Variants in PYY observed in about 807,000 individuals in gnomAD.
The protein encoded by PYY is peptide tyrosine tyrosine.
PYY carries 12 observed loss-of-function variants against 10.3 expected under a neutral mutation model. The observed-to-expected ratio is 1.17, with a 90% CI of 0.75 to 1.89. PYY has a LOEUF of 1.89. Among genes scored for constraint, PYY ranks in the 40% most tolerant of loss-of-function variants. The pLI, the probability that PYY is intolerant of heterozygous loss-of-function variation, is 0.00. For synonymous variants in PYY, 66 were observed against 62.0 expected, an observed-to-expected ratio of 1.06 and a Z score of -0.30; for missense variants, 141 against 134.0, an observed-to-expected ratio of 1.05 and a Z score of -0.26.
At chr17:43,955,351 C>T (rs1449755755), upstream of PYY, among the ~76,000 whole-genome samples, 1 of 152,222 alleles carries the variant, frequency 6.6e-6, no homozygotes, top group Admixed American at 6.5e-5. Context: ...GAGCCAGCCC[C>T]TCCAGCCCCA....
At chr17:43,985,084 C>A (rs941265228) in intron 1 of PYY, among the ~76,000 whole-genome samples, 2 of 152,090 alleles carry the variant, frequency 1.3e-5, no homozygotes, top group African/African-American at 4.8e-5. Context: ...AAAGGCAACT[C>A]TCAAAATTAA....
At chr17:43,965,945 T>G (rs2048753603) in intron 2 of PYY, among the ~76,000 whole-genome samples, 1 of 151,870 alleles carries the variant, frequency 6.6e-6, no homozygotes, top group Non-Finnish European at 1.5e-5. Flanking sequence ...GATGCTTGGC[T>G]CTCTTTTCTT....
intron 1 of PYY, among the ~76,000 whole-genome samples, chr17:43,979,787 T>C (rs551822358): frequency 6.8e-6 from 1 of 146,574 alleles, no homozygotes; most frequent in East Asian, 2.0e-4. Flanking sequence ...GGCCCAGGAA[T>C]AGAAGAGGGG....
At chr17:43,973,532 G>C (rs1417255679) in intron 1 of PYY, among the ~76,000 whole-genome samples, 3 of 152,168 alleles carry the variant, frequency 2.0e-5, no homozygotes, top group Admixed American at 6.5e-5. Flanking sequence ...GGTTGCTCAC[G>C]TCTGTAATCC....
At position 43,965,821 on chromosome 17, in the gene PYY, AGAG is replaced by A. The variant is rs1367057760; in HGVS notation, c.-218+464_-218+466del. ...AAAAAAAAAAAAAAAAAAAAAAGAG[AGAG>A]AAACAAGTAAAATTATATTTTTTTC... On this transcript the variant is annotated intron_variant, in intron 2 of 6. Transcript: ENST00000360085. 3.6e-4 allele frequency among the ~76,000 whole-genome samples: 44 copies of A among 122,244 alleles called. 2 individuals are homozygous for A. Among genetic ancestry groups the A allele is most frequent in the Middle Eastern group, 4.5e-3 (1 of 220 alleles). 80.2% of individuals were successfully genotyped at this position (122,244 alleles called of 152,430 possible).
chr17:43,986,298 C>T (rs1259002706), intron 1 of PYY, among the ~76,000 whole-genome samples: 1 of 152,084 alleles, frequency 6.6e-6, no homozygotes. Flanking sequence ...AGAGGGTGAG[C>T]GTCTAGGTCT....
intron 2 of PYY, among the ~76,000 whole-genome samples, chr17:43,965,480 CA>C (rs111474346): frequency 5.1e-3 from 452 of 89,368 alleles, no homozygotes; most frequent in Middle Eastern, 0.019. Context: ...GACTCCGTAT[CA>C]AAAAAAAAAA....
chr17:43,976,246 C>CGT (rs1372966814), intron 1 of PYY, among the ~76,000 whole-genome samples: 5 of 109,732 alleles, frequency 4.6e-5, no homozygotes, highest in Non-Finnish European at 8.2e-5. Context: ...CGTATATATA[C>CGT]ACATATGTAT....
At chr17:43,963,270 G>A (rs1461095682) in intron 2 of PYY, among the ~76,000 whole-genome samples, 2 of 152,106 alleles carry the variant, frequency 1.3e-5, no homozygotes, top group Admixed American at 6.6e-5. Context: ...CACTTTGGGA[G>A]GCTGAGGCAG....
intron 1 of PYY, among the ~76,000 whole-genome samples, chr17:43,978,738 G>A (rs919631898): frequency 6.6e-6 from 1 of 152,158 alleles, no homozygotes; most frequent in Non-Finnish European, 1.5e-5. Flanking sequence ...TTTTTAAAAT[G>A]TAATCTTTGC....
chr17:43,977,365 C>A (rs961230724), intron 1 of PYY, among the ~76,000 whole-genome samples: 10 of 152,124 alleles, frequency 6.6e-5, no homozygotes, highest in Non-Finnish European at 1.5e-4. Context: ...CCACTCCCAC[C>A]TTTCCGCCAC....
At chr17:43,957,843 A>G (rs898502846), upstream of PYY, 6 of 154,526 alleles carry the variant, frequency 3.9e-5, no homozygotes, top group African/African-American at 1.2e-4. Flanking sequence ...CTACCTTGAG[A>G]AGAGCAGGGG....
chr17:43,986,765 T>A (rs1258015594), intron 1 of PYY, among the ~76,000 whole-genome samples: 10 of 152,218 alleles, frequency 6.6e-5, no homozygotes, highest in Admixed American at 6.5e-4. Context: ...GCAGCCTGCG[T>A]GTTCCTGCCC....
At chr17:43,984,031 A>G (rs774771425) in intron 1 of PYY, among the ~76,000 whole-genome samples, 5 of 152,128 alleles carry the variant, frequency 3.3e-5, no homozygotes, top group Admixed American at 6.5e-5. Flanking sequence ...GCGCCGCCCC[A>G]TTTGCACGCC....
Position 43,952,913 on chromosome 17 carries a change from C to T in PYY, c.*43G>A. 2.0e-6 allele frequency: 3 copies of T among 1,526,176 alleles called. No homozygotes were observed. Among genetic ancestry groups the T allele is most frequent in the Non-Finnish European group, 2.6e-6 (3 of 1,139,526 alleles). The allele number at this position is 1,526,176 out of a possible 1,614,324, so 94.5% of individuals were successfully genotyped here. A position where few individuals can be genotyped will look rare whatever the true frequency, so the allele number is the denominator to read the frequency against. On this transcript the variant is annotated 3_prime_UTR_variant, in exon 4 of 4. Transcript: ENST00000692052. ...GGGTCGGGAGTGCGTATGCAAATGA[C>T]GTGGGCGTGGTTGGCAGATCTCCCA... is the stretch of plus-strand genomic sequence containing the variant.
chr17:44,004,284 C>T (rs1374952521), intron 1 of PYY: 1 of 166,510 alleles, frequency 6.0e-6, no homozygotes, highest in Non-Finnish European at 1.3e-5. Context: ...TCCTTCCAGC[C>T]CCCTGCCCAG....
intron 1 of PYY, among the ~76,000 whole-genome samples, chr17:43,991,610 A>G (rs1395887756): frequency 1.3e-5 from 2 of 152,146 alleles, no homozygotes; most frequent in African/African-American, 2.4e-5. Context: ...TTCCTGAACC[A>G]GTAATGTCAT....
chr17:43,979,913 A>C (rs1597853265), intron 1 of PYY, among the ~76,000 whole-genome samples: 1 of 152,210 alleles, frequency 6.6e-6, no homozygotes, highest in East Asian at 1.9e-4. Context: ...TTTTTATTGA[A>C]GACTAGCACA....
rs1358495416 is a variant in PYY, at chr17:43,987,091, T to G, written c.-463+17300A>C. ...GATGCTAACACATTCCTCGGGCCCCTGTGTCCACCCCTCCTCTGGTGGTCA... is the reference window on the plus strand; with the variant it reads ...GATGCTAACACATTCCTCGGGCCCCGGTGTCCACCCCTCCTCTGGTGGTCA... On this transcript the variant is annotated intron_variant, in intron 1 of 6. Coordinates refer to the PYY transcript ENST00000360085. This position sits in a 1 kb window ranked among gnomAD's most constrained non-coding sequence, Gnocchi z 4.0. Among the ~76,000 whole-genome samples the G allele has an allele frequency of 6.6e-6, 1 of 152,096 alleles. No individual in the cohort carries two copies. Among genetic ancestry groups the G allele is most frequent in the Non-Finnish European group, 1.5e-5 (1 of 68,010 alleles).
Sources: allele counts gnomAD v4.1 joint callset (sites outside exome capture counted in the v4.1 genomes callset), GRCh38; gene constraint gnomAD v4.1.1; non-coding constraint Gnocchi (gnomAD v3.1); transcripts MANE v1.5; gene names NCBI Gene and HGNC (gene_info 2026-07-23, HGNC 2026-07-21).